Variants in ARL13B observed in about 807,000 individuals in gnomAD.
ARL13B encodes the protein ADP-ribosylation factor-like protein 13B.
A neutral mutation model predicts 56.1 loss-of-function variants in ARL13B; 36 were observed. The ratio of observed to expected loss-of-function variants is 0.64; its 90% CI spans 0.49 to 0.85. ARL13B has a LOEUF of 0.85. ARL13B is among the 40% of genes least tolerant of loss of function. ARL13B has a pLI of 0.00. For synonymous variants in ARL13B, 178 were observed against 171.1 expected, an observed-to-expected ratio of 1.04 and a Z score of -0.32; for missense variants, 519 against 507.1, an observed-to-expected ratio of 1.02 and a Z score of -0.23.
chr3:94,008,158 A>C (rs1312258865), intron 3 of ARL13B, among the ~76,000 whole-genome samples: 1 of 152,220 alleles, frequency 6.6e-6, no homozygotes, highest in Non-Finnish European at 1.5e-5. Context: ...TAAAGAGAGT[A>C]AAAATAAATG....
At chr3:93,994,028 A>G (rs1229752110) in intron 1 of ARL13B, among the ~76,000 whole-genome samples, 1 of 152,188 alleles carries the variant, frequency 6.6e-6, no homozygotes, top group African/African-American at 2.4e-5. Flanking sequence ...TAGGTATGGG[A>G]TGGTTGAAAC....
At chr3:94,044,816 GT>G (rs2076952297) in intron 7 of ARL13B, among the ~76,000 whole-genome samples, 2 of 150,036 alleles carry the variant, frequency 1.3e-5, no homozygotes, top group African/African-American at 4.9e-5. Flanking sequence ...CGTCTGGGAA[GT>G]GGGGAGCGCC....
chr3:94,054,330 A>G lies in ARL13B; in HGVS notation c.*1067A>G. 2.3e-6 allele frequency: 1 copy of G among 430,666 alleles called. No individual in the cohort carries two copies. 26.7% of individuals were successfully genotyped at this position (430,666 alleles called of 1,614,324 possible). On this transcript the variant is annotated 3_prime_UTR_variant, in exon 10 of 10. Transcript: ENST00000394222. ...TGTTGGCCCAAAATTACTTTTATAA[A>G]TAAATAATTCCAAAATAATTTCTTA...
chr3:94,040,482 CA>C (rs754750378), intron 6 of ARL13B, among the ~76,000 whole-genome samples: 8 of 152,040 alleles, frequency 5.3e-5, no homozygotes, highest in Non-Finnish European at 7.4e-5. Flanking sequence ...CATTTTAAAT[CA>C]GAAATTTTAC....
At chr3:94,031,311 C>T (rs1302538206) in intron 3 of ARL13B, among the ~76,000 whole-genome samples, 1 of 151,648 alleles carries the variant, frequency 6.6e-6, no homozygotes, top group Non-Finnish European at 1.5e-5. Context: ...AAAACTATTT[C>T]CTAGCTTTGT....
rs1390697928 is a variant in ARL13B at position 93,980,184 on chromosome 3, G to C, written c.-240G>C. On this transcript the variant is annotated 5_prime_UTR_variant, in exon 1 of 10. Transcript: ENST00000394222. ...TTCTTTAGCCGGGTCCCGCTAACTC[G>C]GCTACGGTGTATCTGCGTCTTTGGT... 1.0e-5 allele frequency: 7 copies of C among 678,058 alleles called. No homozygotes were observed. The East Asian group carries it at 1.9e-4, about 19-fold the overall frequency. 42.0% of individuals were successfully genotyped at this position (678,058 alleles called of 1,614,324 possible).
intron 2 of ARL13B, among the ~76,000 whole-genome samples, chr3:94,001,135 G>A (rs2076049409): frequency 6.6e-6 from 1 of 152,192 alleles, no homozygotes; most frequent in South Asian, 2.1e-4. Context: ...AAAGGTGATA[G>A]TAGAAGTAGG....
At position 93,997,752 on chromosome 3, in the gene ARL13B, C is replaced by T. The variant is rs563031187; in HGVS notation, c.130+1808C>T. 5.9e-5 allele frequency among the ~76,000 whole-genome samples: 9 copies of T among 152,222 alleles called. 2 individuals carry two copies. The highest frequency in any genetic ancestry group is 1.4e-4 in the African/African-American group (6 of 41,540). On this transcript the variant is annotated intron_variant, in intron 2 of 9. Transcript: ENST00000394222. ...TAATAATCCCAGCACTTTGGGAGGC[C>T]GAGGTGGGCAGATCACCTGAGGACA...
At chr3:94,006,317 T>C (rs1347798612) in intron 3 of ARL13B, among the ~76,000 whole-genome samples, 1 of 152,084 alleles carries the variant, frequency 6.6e-6, no homozygotes, top group African/African-American at 2.4e-5. Context: ...AATAAAATTT[T>C]GTATCCTACT....
chr3:94,021,319 C>T (rs1356484845), intron 3 of ARL13B, among the ~76,000 whole-genome samples: 4 of 151,752 alleles, frequency 2.6e-5, no homozygotes, highest in African/African-American at 7.3e-5. Flanking sequence ...GTCAGCCTCC[C>T]GAGTTCCTGA....
intron 1 of ARL13B, among the ~76,000 whole-genome samples, chr3:93,993,923 A>G (rs548281422): frequency 6.6e-6 from 1 of 152,176 alleles, no homozygotes; most frequent in African/African-American, 2.4e-5. Context: ...GCCACCAGCC[A>G]ATTGAGAATG....
At chr3:94,034,943 G>C (rs974203558) in intron 3 of ARL13B, among the ~76,000 whole-genome samples, 1 of 152,148 alleles carries the variant, frequency 6.6e-6, no homozygotes, top group Admixed American at 6.5e-5. Context: ...GGGAATCAAA[G>C]AATGTGGTCA....
intron 3 of ARL13B, among the ~76,000 whole-genome samples, chr3:94,010,584 T>G (rs772789330): frequency 1.2e-4 from 19 of 152,070 alleles, no homozygotes; most frequent in Non-Finnish European, 1.6e-4. Flanking sequence ...GAAAAAATAA[T>G]GACTTTTAGT....
intron 3 of ARL13B, among the ~76,000 whole-genome samples, chr3:94,025,179 A>T (rs2076529331): frequency 6.6e-6 from 1 of 152,034 alleles, no homozygotes; most frequent in African/African-American, 2.4e-5. Flanking sequence ...ATATTTGAAT[A>T]AAAGGTACTT....
chr3:94,021,646 A>T (rs759827381), intron 3 of ARL13B, among the ~76,000 whole-genome samples: 30 of 152,186 alleles, frequency 2.0e-4, no homozygotes, highest in Non-Finnish European at 2.1e-4. Flanking sequence ...TCTGATAAGA[A>T]CTAGTCTTCT....
intron 3 of ARL13B, among the ~76,000 whole-genome samples, chr3:94,024,310 A>G (rs751782654): frequency 1.5e-4 from 23 of 152,218 alleles, no homozygotes; most frequent in Non-Finnish European, 2.5e-4. Flanking sequence ...CCGTGTAAAT[A>G]TAGGGAAAAA....
intron 1 of ARL13B, among the ~76,000 whole-genome samples, chr3:93,981,413 G>A (rs778115562): frequency 9.2e-5 from 14 of 151,810 alleles, no homozygotes; most frequent in Non-Finnish European, 1.9e-4. Flanking sequence ...TTTGCCATGA[G>A]AATGAACTAT....
chr3:94,024,583 G>A (rs1267362154), intron 3 of ARL13B, among the ~76,000 whole-genome samples: 10 of 152,076 alleles, frequency 6.6e-5, no homozygotes, highest in East Asian at 5.8e-4. Flanking sequence ...TTTTTTGGGC[G>A]TGTTGTTTTG....
At chr3:94,022,800 T>C (rs1482139574) in intron 3 of ARL13B, among the ~76,000 whole-genome samples, 3 of 152,092 alleles carry the variant, frequency 2.0e-5, no homozygotes, top group Admixed American at 1.3e-4. Context: ...TACATCCATG[T>C]AACTACCACA....
Sources: gnomAD v4.1 joint callset for allele counts (sites outside exome capture counted in the v4.1 genomes callset) on GRCh38, gnomAD v4.1.1 for gene constraint, MANE v1.5 for transcripts, NCBI Gene and HGNC (gene_info 2026-07-23, HGNC 2026-07-21) for gene names.